Variants in DNASE1L1 observed in about 807,000 individuals in gnomAD.
DNASE1L1 encodes deoxyribonuclease-1-like 1.
Under a neutral mutation model 18.6 loss-of-function variants are expected in DNASE1L1, and 8 were observed. That is an observed-to-expected ratio of 0.43 (90% CI 0.25 to 0.78). The LOEUF is 0.78. DNASE1L1 is among the 30% of genes least tolerant of loss of function. DNASE1L1 has a pLI of 0.23. For missense variants in DNASE1L1, 214 were observed against 258.2 expected (o/e 0.83, Z 1.17); for synonymous variants, 114 against 114.2 (o/e 1.00, Z 0.01).
upstream of DNASE1L1, among the ~76,000 whole-genome samples, chrX:154,410,623 A>C (rs2068256505): frequency 9.0e-6 from 1 of 110,739 alleles, no homozygotes; most frequent in Non-Finnish European, 1.9e-5. Context: ...TAATCCTAGC[A>C]CTTTGGGAGG....
upstream of DNASE1L1, among the ~76,000 whole-genome samples, chrX:154,411,129 T>C (rs139874086): frequency 8.9e-6 from 1 of 112,215 alleles, no homozygotes; most frequent in East Asian, 2.8e-4. Flanking sequence ...CATAGTATCA[T>C]GTAGTACTGT....
At chrX:154,411,517 G>C (rs1557190301), upstream of DNASE1L1, 1 of 304,871 alleles carries the variant, frequency 3.3e-6, no homozygotes, top group East Asian at 1.1e-4. Flanking sequence ...CAGTCGGTCG[G>C]GCTGGGCACC....
chrX:154,407,622 A>G (rs1603373639), intron 1 of DNASE1L1, among the ~76,000 whole-genome samples: 2 of 53,499 alleles, frequency 3.7e-5, no homozygotes, highest in Non-Finnish European at 6.2e-5. Context: ...TTTGAGATGG[A>G]GTCTTGCTCT....
At chrX:154,411,465 G>C, upstream of DNASE1L1, 1 of 210,945 alleles carries the variant, frequency 4.7e-6, no homozygotes, top group Non-Finnish European at 8.7e-6. Context: ...CCGCCCCGGG[G>C]CTGGCCTCGC....
In DNASE1L1 at chrX:154,402,385, A is replaced by G. The variant is rs963660584; in HGVS notation, c.*322T>C. On this transcript the variant is annotated 3_prime_UTR_variant, in exon 8 of 8. Transcript: ENST00000369807. ...CCAATCTGGGTTTTTGTTCTCAGTA[A>G]CTTTCCTTCTTGTCATACAACATCT... 58 of 233,471 alleles carry G rather than the reference A, an allele frequency of 2.5e-4. No homozygotes were observed. The highest frequency in any genetic ancestry group is 2.0e-4 in the Non-Finnish European group (27 of 132,699). 19.2% of individuals were successfully genotyped at this position (233,471 alleles called of 1,213,427 possible).
At position 154,402,386 on chromosome X, in the gene DNASE1L1, CTT is replaced by C. The variant is rs2068060865; in HGVS notation, c.*319_*320del. 4.2e-6 allele frequency: 1 copy of C among 235,736 alleles called. No individual in the cohort carries two copies. The allele number at this position is 235,736 out of a possible 1,213,427, so 19.4% of individuals were successfully genotyped here. A position where few individuals can be genotyped will look rare whatever the true frequency, so the allele number is the denominator to read the frequency against. On this transcript the variant is annotated 3_prime_UTR_variant, in exon 8 of 8. Coordinates refer to ENST00000369807, the MANE Select transcript of DNASE1L1 (RefSeq NM_001303620.2). ...CAATCTGGGTTTTTGTTCTCAGTAA[CTT>C]TCCTTCTTGTCATACAACATCTTCA... is the stretch of plus-strand genomic sequence containing the variant.
intron 1 of DNASE1L1, chrX:154,408,521 G>A (rs2068204194): frequency 9.0e-6 from 1 of 111,467 alleles, no homozygotes; most frequent in Non-Finnish European, 1.9e-5. Flanking sequence ...ACCAGCTGGA[G>A]CCCCCCTCTC....
rs1372449046 is a variant in DNASE1L1, at chrX:154,402,743, TAGC to T, written c.870_872del (p.Leu291del). 7.4e-6 allele frequency: 9 copies of T among 1,209,951 alleles called. No homozygotes were observed. Among genetic ancestry groups the T allele is most frequent in the Middle Eastern group, 4.7e-4 (2 of 4,293 alleles). ...GGCACAGCTGAGGGGACAGGAGTGA[TAGC>T]AGCAACAGAACAGTGAGGCTGAGAG... On this transcript the variant is annotated inframe_deletion, in exon 8 of 8. Transcript: ENST00000369807.
Position 154,401,579 on chromosome X carries a change from G to A in DNASE1L1, c.*1128C>T, listed in dbSNP as rs1300018095. On this transcript the variant is annotated 3_prime_UTR_variant, in exon 8 of 8. Coordinates refer to ENST00000369807, the MANE Select transcript of DNASE1L1 (RefSeq NM_001303620.2). ...ACCTGAACTATTGTAGAACAGCGCT[G>A]GCTTTTGGGGGAGCAGCAAAAATGA... 8.9e-6 allele frequency: 1 copy of A among 112,670 alleles called. No individual in the cohort carries two copies. Among genetic ancestry groups the A allele is most frequent in the African/African-American group, 3.3e-5 (1 of 30,583 alleles). The allele number at this position is 112,670 out of a possible 1,213,427, so 9.3% of individuals were successfully genotyped here.
upstream of DNASE1L1, among the ~76,000 whole-genome samples, chrX:154,410,642 G>T (rs1163581990): frequency 1.8e-5 from 2 of 110,746 alleles, no homozygotes; most frequent in Non-Finnish European, 3.8e-5. Context: ...GGCTGAGGTG[G>T]GTGGACTGCC....
rs868996314 is a variant in DNASE1L1 at position 154,406,010 on chromosome X, C to T, written c.-87-355G>A. ...TTTTTGAGACGGAGTCTCACTCTGT[C>T]GCCCAGGCTGGAGTGCAGTGGCGCA... On this transcript the variant is annotated intron_variant, in intron 1 of 7. Transcript: ENST00000369807. Among the ~76,000 whole-genome samples the T allele has an allele frequency of 5.0e-4, 52 of 103,130 alleles. No individual in the cohort carries two copies. The Middle Eastern group carries it at 0.015, about 30-fold the overall frequency. 89.6% of individuals were successfully genotyped at this position (103,130 alleles called of 115,157 possible). A position where few individuals can be genotyped will look rare whatever the true frequency, so the allele number is the denominator to read the frequency against.
At chrX:154,408,306 G>A (rs1272857974) in intron 1 of DNASE1L1, among the ~76,000 whole-genome samples, 2 of 112,049 alleles carry the variant, frequency 1.8e-5, no homozygotes, top group Admixed American at 9.5e-5. Context: ...AGTGCTTTTC[G>A]CCTCCATTAG....
At chrX:154,403,855 T>G (rs2283762) in intron 4 of DNASE1L1, among the ~76,000 whole-genome samples, 23,776 of 111,657 alleles carry the variant, frequency 0.21, 2,867 homozygotes, top group African/African-American at 0.46. Context: ...TGCAACTATT[T>G]CTACAATCAA....
At chrX:154,407,689 G>C (rs1333756993) in intron 1 of DNASE1L1, among the ~76,000 whole-genome samples, 1 of 92,302 alleles carries the variant, frequency 1.1e-5, no homozygotes, top group African/African-American at 4.1e-5. Flanking sequence ...TCTGCCTTCC[G>C]GGTTCAAGTG....
upstream of DNASE1L1, chrX:154,409,516 C>G (rs966487867): frequency 2.3e-4 from 30 of 129,203 alleles, no homozygotes; most frequent in Non-Finnish European, 9.5e-5. Flanking sequence ...GGTCTGGGTC[C>G]CCAGTCAGCA....
intron 5 of DNASE1L1, 57 bp from the exon 6 acceptor site, chrX:154,403,438 C>T: frequency 8.4e-7 from 1 of 1,196,907 alleles, no homozygotes; most frequent in Non-Finnish European, 1.1e-6. Flanking sequence ...TCCCCCTAGC[C>T]CGTCTGGGTG....
chrX:154,411,292 TG>T (rs1262120707), upstream of DNASE1L1, among the ~76,000 whole-genome samples: 3 of 111,605 alleles, frequency 2.7e-5, no homozygotes, highest in Non-Finnish European at 3.8e-5. Context: ...CGCTTGAGTC[TG>T]GGAGATCGAG....
At chrX:154,405,690 C>G in intron 1 of DNASE1L1, 35 bp from the exon 2 acceptor site, 1 of 728,594 alleles carries the variant, frequency 1.4e-6, no homozygotes, top group Non-Finnish European at 1.9e-6. Context: ...GCACTAGCTG[C>G]TGCCCAGCAC....
At chrX:154,409,281 T>C, upstream of DNASE1L1, 1 of 248,262 alleles carries the variant, frequency 4.0e-6, no homozygotes, top group South Asian at 3.9e-5. Flanking sequence ...CGCCCCACCC[T>C]TGCCAACAGG....
Sources: gnomAD v4.1 joint callset for allele counts (sites outside exome capture counted in the v4.1 genomes callset) on GRCh38, gnomAD v4.1.1 for gene constraint, MANE v1.5 for transcripts, NCBI Gene and HGNC (gene_info 2026-07-23, HGNC 2026-07-21) for gene names.